Variants in UBE2W observed in about 807,000 individuals in gnomAD.
UBE2W encodes ubiquitin-conjugating enzyme E2 W.
In UBE2W, 18 loss-of-function variants were observed where a neutral mutation model predicts 27.2. The observed-to-expected ratio is 0.66, with a 90% CI of 0.46 to 0.98. The LOEUF is 0.98. Among genes scored for constraint, UBE2W ranks in the 50% least tolerant of loss-of-function variants. UBE2W has a pLI of 0.00. For missense variants in UBE2W, 90 were observed against 180.2 expected, an observed-to-expected ratio of 0.50 and a Z score of 2.87; for synonymous variants, 53 against 57.2, an observed-to-expected ratio of 0.93 and a Z score of 0.33.
intron 1 of UBE2W, among the ~76,000 whole-genome samples, chr8:73,834,988 T>C (rs138993074): frequency 1.2e-4 from 18 of 152,152 alleles, no homozygotes; most frequent in African/African-American, 1.7e-4. Context: ...TTGTAGAGCG[T>C]CTCAAGCCTT....
At chr8:73,846,088 C>T (rs1441427216) in intron 1 of UBE2W, among the ~76,000 whole-genome samples, 1 of 152,142 alleles carries the variant, frequency 6.6e-6, no homozygotes, top group Non-Finnish European at 1.5e-5. Flanking sequence ...GCCCACAGTT[C>T]CTTACGAAAC....
chr8:73,847,953 G>A (rs1810887696), intron 1 of UBE2W, among the ~76,000 whole-genome samples: 1 of 152,058 alleles, frequency 6.6e-6, no homozygotes, highest in African/African-American at 2.4e-5. Context: ...TGTAATCCCA[G>A]CACTTTGGGA....
rs1188561473 is a variant in UBE2W at position 73,878,823 on chromosome 8, G to A, written c.-1C>T. On this transcript the variant is annotated 5_prime_UTR_variant, in exon 1 of 6. Transcript: ENST00000602593. ...CTCCTCTCACCTGCATTGACGCCAT[G>A]ATGGAACCATCCCCCCAAGACCGGC... 3 of 1,550,980 alleles carry A rather than the reference G, an allele frequency of 1.9e-6. No individual in the cohort carries two copies. Among genetic ancestry groups the A allele is most frequent in the Admixed American group, 2.0e-5 (1 of 51,062 alleles).
rs755405510 is a variant in UBE2W at position 73,791,800 on chromosome 8, C to A, written c.*2302G>T. On this transcript the variant is annotated 3_prime_UTR_variant, in exon 6 of 6. Transcript: ENST00000602593. ...CTACTCTTTAAACCATAAGATGTACCGAAATTATTTCATTTTCCTCTACTT... is the reference window on the plus strand; with the variant it reads ...CTACTCTTTAAACCATAAGATGTACAGAAATTATTTCATTTTCCTCTACTT... 52 of 984,372 alleles carry A rather than the reference C, an allele frequency of 5.3e-5. No individual in the cohort carries two copies. The highest frequency in any genetic ancestry group is 6.3e-5 in the Non-Finnish European group (52 of 829,202). The allele number at this position is 984,372 out of a possible 1,614,324, so 61.0% of individuals were successfully genotyped here. A position where few individuals can be genotyped will look rare whatever the true frequency, so the allele number is the denominator to read the frequency against.
rs767386174 is a variant in UBE2W at position 73,878,835 on chromosome 8, C to A, written c.-13G>T. On this transcript the variant is annotated 5_prime_UTR_variant, in exon 1 of 6. Transcript: ENST00000602593. ...GCATTGACGCCATGATGGAACCATC[C>A]CCCCAAGACCGGCGAGGCCAGAGAC... is the stretch of plus-strand genomic sequence containing the variant. 8 of 1,549,606 alleles carry A rather than the reference C, an allele frequency of 5.2e-6. No homozygotes were observed. The highest frequency in any genetic ancestry group is 2.5e-5 in the East Asian group (1 of 40,692).
At chr8:73,850,281 T>A (rs1188286092) in intron 1 of UBE2W, among the ~76,000 whole-genome samples, 1 of 152,182 alleles carries the variant, frequency 6.6e-6, no homozygotes, top group South Asian at 2.1e-4. Context: ...CTGGAACTCA[T>A]GTACTATCAG....
rs10652083 is a variant in UBE2W, at chr8:73,789,307, TAAAAAAAAAAAAAAAAAAA to T, written c.*4776_*4794del. On this transcript the variant is annotated 3_prime_UTR_variant, in exon 6 of 6. Coordinates refer to ENST00000602593, the MANE Select transcript of UBE2W (RefSeq NM_018299.6). Reference sequence around the variant, plus strand: ...GCAACATGGTGAGACCTCGTGTCTTTAAAAAAAAAAAAAAAAAAAAAAAAAAAAAAAAAAATTCTATCCA... The same window carrying T: ...GCAACATGGTGAGACCTCGTGTCTTTAAAAAAAAAAAAAAAATTCTATCCA... 0.042 allele frequency: 1,682 copies of T among 40,148 alleles called. 87 individuals carry two copies. The highest frequency in any genetic ancestry group is 0.062 in the Non-Finnish European group (1,346 of 21,822). The allele number at this position is 40,148 out of a possible 1,614,324, so 2.5% of individuals were successfully genotyped here. A position where few individuals can be genotyped will look rare whatever the true frequency, so the allele number is the denominator to read the frequency against.
intron 1 of UBE2W, among the ~76,000 whole-genome samples, chr8:73,867,283 T>A (rs575044988): frequency 8.5e-5 from 13 of 152,278 alleles, no homozygotes; most frequent in African/African-American, 3.1e-4. Context: ...ACGCCTGTAA[T>A]CCCAGCACTT....
intron 5 of UBE2W, among the ~76,000 whole-genome samples, chr8:73,799,075 T>C (rs914924703): frequency 1.3e-5 from 2 of 152,092 alleles, no homozygotes; most frequent in African/African-American, 2.4e-5. Context: ...ATAGAAACTA[T>C]AAAGGAATTC....
intron 1 of UBE2W, among the ~76,000 whole-genome samples, chr8:73,839,656 CA>C (rs370096009): frequency 1.4e-5 from 2 of 143,014 alleles, no homozygotes; most frequent in Non-Finnish European, 1.5e-5. Flanking sequence ...GACTCCATCT[CA>C]AAAAAAAACA....
At chr8:73,860,128 C>A (rs1001460393) in intron 1 of UBE2W, among the ~76,000 whole-genome samples, 2 of 147,888 alleles carry the variant, frequency 1.4e-5, no homozygotes, top group Admixed American at 1.4e-4. Context: ...AAGAAAAAAT[C>A]TACTATGGGG....
intron 5 of UBE2W, among the ~76,000 whole-genome samples, chr8:73,802,438 T>C (rs1808684438): frequency 6.6e-6 from 1 of 151,948 alleles, no homozygotes; most frequent in Non-Finnish European, 1.5e-5. Context: ...TCAAAATTTT[T>C]TCAAACTTTA....
At chr8:73,875,773 C>G (rs1044502290) in intron 1 of UBE2W, among the ~76,000 whole-genome samples, 3 of 152,068 alleles carry the variant, frequency 2.0e-5, no homozygotes, top group Non-Finnish European at 4.4e-5. Context: ...CACTTGGCCG[C>G]GTGCAGTGGC....
chr8:73,843,632 C>G (rs1810638531), intron 1 of UBE2W, among the ~76,000 whole-genome samples: 1 of 151,832 alleles, frequency 6.6e-6, no homozygotes, highest in Non-Finnish European at 1.5e-5. Context: ...GAGACCCTGT[C>G]TCTTTAAAAG....
At position 73,787,442 on chromosome 8, in the gene UBE2W, C is replaced by G. The variant is rs1563561122; in HGVS notation, c.*6660G>C. On this transcript the variant is annotated 3_prime_UTR_variant, in exon 6 of 6. Coordinates refer to ENST00000602593, the MANE Select transcript of UBE2W (RefSeq NM_018299.6). ...GGATTATAATAAAGGAAAAGGGCAT[C>G]ATCAAAGTACAAAAGATGGTTCATA... The G allele has an allele frequency of 1.0e-6, 1 of 985,262 alleles. No individual in the cohort carries two copies. 61.0% of individuals were successfully genotyped at this position (985,262 alleles called of 1,614,324 possible).
intron 3 of UBE2W, among the ~76,000 whole-genome samples, chr8:73,817,819 T>C (rs529205407): frequency 6.6e-6 from 1 of 152,350 alleles, no homozygotes; most frequent in East Asian, 1.9e-4. Context: ...AGTTGTGGAC[T>C]TCAGAGTTTT....
downstream of UBE2W, among the ~76,000 whole-genome samples, chr8:73,781,619 G>GTTTTTTTTTTT (rs112691687): frequency 7.1e-6 from 1 of 140,880 alleles, no homozygotes. Context: ...TCAGGTTTGG[G>GTTTTTTTTTTT]TTTTTTTTTT....
intron 4 of UBE2W, among the ~76,000 whole-genome samples, chr8:73,780,815 C>T (rs547832590): frequency 4.9e-4 from 74 of 152,076 alleles, no homozygotes; most frequent in Non-Finnish European, 9.1e-4. Context: ...TGAGCCACGA[C>T]GCCTGACCTG....
chr8:73,863,904 T>C (rs1271431751), intron 1 of UBE2W, among the ~76,000 whole-genome samples: 1 of 148,958 alleles, frequency 6.7e-6, no homozygotes, highest in African/African-American at 2.5e-5. Context: ...TGGTTTGAAC[T>C]GCATGGTTAA....
Sources: gnomAD v4.1 joint callset for allele counts (sites outside exome capture counted in the v4.1 genomes callset) on GRCh38, gnomAD v4.1.1 for gene constraint, MANE v1.5 for transcripts, NCBI Gene and HGNC (gene_info 2026-07-23, HGNC 2026-07-21) for gene names.